NEGR1: variants seen among roughly 807,000 people sequenced by gnomAD.
The protein encoded by NEGR1 is IgLON family member 4.
In NEGR1, 10 loss-of-function variants were observed where a neutral mutation model predicts 40.9. That is an observed-to-expected ratio of 0.24 (90% CI 0.15 to 0.42). The LOEUF (loss-of-function observed/expected upper bound fraction) is 0.42. Ranked by LOEUF, NEGR1 falls within the 10% of genes least tolerant of loss-of-function variation. NEGR1 has a pLI of 1.00. For synonymous variants in NEGR1, 185 were observed against 166.8 expected (o/e 1.11, Z -0.84); for missense variants, 352 against 438.9 (o/e 0.80, Z 1.77).
chr1:72,218,901 T>C (rs1272797988), intron 1 of NEGR1, among the ~76,000 whole-genome samples: 1 of 152,062 alleles, frequency 6.6e-6, no homozygotes, highest in African/African-American at 2.4e-5. Context: ...AGGTTGCTGT[T>C]TGCAGAGAGG....
At chr1:71,710,664 T>C (rs779261495) in intron 3 of NEGR1, among the ~76,000 whole-genome samples, 3 of 151,996 alleles carry the variant, frequency 2.0e-5, no homozygotes, top group Non-Finnish European at 2.9e-5. Flanking sequence ...ATTTGTGGTA[T>C]CTAAAAATAA....
intron 3 of NEGR1, among the ~76,000 whole-genome samples, chr1:71,770,850 T>C (rs1404682938): frequency 1.3e-5 from 2 of 152,202 alleles, no homozygotes; most frequent in African/African-American, 4.8e-5. Context: ...ATACTGTTGG[T>C]GGGACTGTAA....
chr1:71,764,056 T>C lies in NEGR1; in HGVS notation c.535+12116A>G, dbSNP rs565956484. On this transcript the variant is annotated intron_variant, in intron 3 of 6. Coordinates refer to ENST00000357731, the MANE Select transcript of NEGR1 (RefSeq NM_173808.3). Reference sequence around the variant, plus strand: ...CCCATGAGACCAAAAGCAAATAAAGTCAATTATTACAATTCAGAAAGTTAA... The same window carrying C: ...CCCATGAGACCAAAAGCAAATAAAGCCAATTATTACAATTCAGAAAGTTAA... Among the ~76,000 whole-genome samples, 3 of 152,272 alleles carry C rather than the reference T, an allele frequency of 2.0e-5. No individual in the cohort carries two copies. In the South Asian group the frequency reaches 6.2e-4, roughly 32 times the overall value.
At chr1:71,788,021 A>G (rs538798021) in intron 2 of NEGR1, among the ~76,000 whole-genome samples, 6 of 152,204 alleles carry the variant, frequency 3.9e-5, no homozygotes, top group Non-Finnish European at 8.8e-5. Flanking sequence ...GCCTTAGAAA[A>G]CATTCTGAGA....
intron 3 of NEGR1, among the ~76,000 whole-genome samples, chr1:71,704,789 C>T (rs1371400074): frequency 6.6e-6 from 1 of 151,618 alleles, no homozygotes; most frequent in African/African-American, 2.4e-5. Context: ...ACTATTATTA[C>T]CCTAATATCA....
intron 4 of NEGR1, among the ~76,000 whole-genome samples, chr1:71,686,686 G>A (rs750481565): frequency 9.9e-5 from 15 of 152,092 alleles, no homozygotes; most frequent in Non-Finnish European, 1.9e-4. Flanking sequence ...AACAGTATTC[G>A]ATAAATTACC....
intron 1 of NEGR1, among the ~76,000 whole-genome samples, chr1:71,972,688 C>T (rs914541796): frequency 2.6e-5 from 4 of 151,692 alleles, no homozygotes; most frequent in Non-Finnish European, 5.9e-5. Context: ...ACTATATATT[C>T]CACTAGTCCC....
rs1195001454 is a variant in NEGR1, at chr1:71,776,281, A to G, written c.426T>C (p.Tyr142=). ...TGACGGTCATATCATTTGAGATGTCATATATCTTAGGAGGAACTGAAATGA... is the reference window on the plus strand; with the variant it reads ...TGACGGTCATATCATTTGAGATGTCGTATATCTTAGGAGGAACTGAAATGA... ...HLTVQVPPKI[Y]DISNDMTVNE... Residue 142 remains tyrosine, a synonymous_variant, in exon 3 of 7, where the codon TAT becomes TAC. Coordinates refer to ENST00000357731, the MANE Select transcript of NEGR1 (RefSeq NM_173808.3). 8 of 1,595,674 alleles carry G rather than the reference A, an allele frequency of 5.0e-6. No homozygotes were observed. The highest frequency in any genetic ancestry group is 1.7e-4 in the Middle Eastern group (1 of 6,028).
At chr1:71,558,453 C>T (rs1648326315) in intron 6 of NEGR1, among the ~76,000 whole-genome samples, 1 of 151,574 alleles carries the variant, frequency 6.6e-6, no homozygotes, top group South Asian at 2.1e-4. Context: ...TGGTGTTTCT[C>T]TGTTCCCTCA....
chr1:71,813,183 T>C (rs2101765121), intron 2 of NEGR1, among the ~76,000 whole-genome samples: 1 of 152,228 alleles, frequency 6.6e-6, no homozygotes, highest in African/African-American at 2.4e-5. Flanking sequence ...ACTTATTAAA[T>C]AGAGAATCCT....
intron 6 of NEGR1, among the ~76,000 whole-genome samples, chr1:71,428,309 G>A (rs1646442523): frequency 6.6e-6 from 1 of 152,158 alleles, no homozygotes; most frequent in Non-Finnish European, 1.5e-5. Context: ...TTTCACACCT[G>A]CTATAAAGGC....
At chr1:72,219,257 T>C (rs1029778359) in intron 1 of NEGR1, among the ~76,000 whole-genome samples, 4 of 152,082 alleles carry the variant, frequency 2.6e-5, no homozygotes, top group Admixed American at 2.6e-4. Flanking sequence ...AAAATATATC[T>C]AGCTTTGACT....
intron 2 of NEGR1, among the ~76,000 whole-genome samples, chr1:71,852,789 AG>A (rs1213655005): frequency 4.0e-5 from 6 of 151,122 alleles, no homozygotes; most frequent in African/African-American, 1.5e-4. Context: ...AGAAATGGCC[AG>A]GAAAAAAAAA....
chr1:71,846,667 T>C (rs531224581), intron 2 of NEGR1, among the ~76,000 whole-genome samples: 1 of 152,184 alleles, frequency 6.6e-6, no homozygotes, highest in Admixed American at 6.5e-5. Context: ...TTAGAATGGG[T>C]AACTTAGAAA....
chr1:72,140,949 A>G (rs1269651487), intron 1 of NEGR1, among the ~76,000 whole-genome samples: 2 of 152,066 alleles, frequency 1.3e-5, no homozygotes, highest in South Asian at 4.1e-4. Flanking sequence ...ATATAGCATT[A>G]CCTAATATGT....
Position 71,928,442 on chromosome 1 carries a change from A to ATG in NEGR1, c.409+6636_409+6637insCA, listed in dbSNP as rs1557439331. Among the ~76,000 whole-genome samples, 43 of 96,112 alleles carry ATG rather than the reference A, an allele frequency of 4.5e-4. 1 individual carries two copies. The highest frequency in any genetic ancestry group is 1.3e-3 in the African/African-American group (36 of 27,956). 63.1% of individuals were successfully genotyped at this position (96,112 alleles called of 152,430 possible). A position where few individuals can be genotyped will look rare whatever the true frequency, so the allele number is the denominator to read the frequency against. On this transcript the variant is annotated intron_variant, in intron 2 of 6. Transcript: ENST00000357731. The stretch of plus-strand genomic sequence containing the variant: ...TACACACATATGTATATATACACAT[A>ATG]TATATGTATATATACACACATACTT...
At chr1:71,640,507 A>C (rs1388741267) in intron 4 of NEGR1, among the ~76,000 whole-genome samples, 1 of 152,060 alleles carries the variant, frequency 6.6e-6, no homozygotes, top group Non-Finnish European at 1.5e-5. Flanking sequence ...CTCTCTTAAC[A>C]AAAGGGATGG....
intron 6 of NEGR1, among the ~76,000 whole-genome samples, chr1:71,474,957 G>T (rs1253723998): frequency 1.3e-5 from 2 of 151,966 alleles, no homozygotes. Flanking sequence ...AATTCAACAA[G>T]GGTCAGGTAA....
At chr1:71,989,417 T>G (rs1646430970) in intron 1 of NEGR1, among the ~76,000 whole-genome samples, 1 of 152,296 alleles carries the variant, frequency 6.6e-6, no homozygotes, top group African/African-American at 2.4e-5. Flanking sequence ...CAATATATGA[T>G]AAAAATTAAT....
Sources: gnomAD v4.1 joint callset for allele counts (sites outside exome capture counted in the v4.1 genomes callset) on GRCh38, gnomAD v4.1.1 for gene constraint, MANE v1.5 for transcripts, NCBI Gene and HGNC (gene_info 2026-07-23, HGNC 2026-07-21) for gene names.